Variants in ARHGAP25 observed in about 807,000 individuals in gnomAD.
ARHGAP25 encodes Rho GTPase activating protein 25.
ARHGAP25 carries 34 observed loss-of-function variants against 71.0 expected under a neutral mutation model. The ratio of observed to expected loss-of-function variants is 0.48; its 90% CI spans 0.36 to 0.64. The LOEUF is 0.64. Ranked by LOEUF, ARHGAP25 falls within the 30% of genes least tolerant of loss-of-function variation. ARHGAP25 has a pLI of 0.00. For synonymous variants in ARHGAP25, 282 were observed against 296.5 expected, an observed-to-expected ratio of 0.95 and a Z score of 0.50; for missense variants, 706 against 805.1, an observed-to-expected ratio of 0.88 and a Z score of 1.49.
intron 2 of ARHGAP25, among the ~76,000 whole-genome samples, chr2:68,713,969 G>T (rs2104246798): frequency 6.6e-6 from 1 of 152,310 alleles, no homozygotes; most frequent in African/African-American, 2.4e-5. Flanking sequence ...GTCTCTGCCA[G>T]GTTTTGGTAT....
At chr2:68,776,949 G>A (rs1347023952) in intron 2 of ARHGAP25, among the ~76,000 whole-genome samples, 1 of 152,128 alleles carries the variant, frequency 6.6e-6, no homozygotes, top group Non-Finnish European at 1.5e-5. Flanking sequence ...CACATCAGCA[G>A]GACTTGGTTA....
At chr2:68,817,370 G>T (rs959995373) in intron 7 of ARHGAP25, among the ~76,000 whole-genome samples, 2 of 152,190 alleles carry the variant, frequency 1.3e-5, no homozygotes, top group African/African-American at 4.8e-5. Context: ...CAAAAATTCA[G>T]TATTAGTTAT....
At chr2:68,743,346 G>A (rs1316299388) in intron 1 of ARHGAP25, among the ~76,000 whole-genome samples, 1 of 151,106 alleles carries the variant, frequency 6.6e-6, no homozygotes, top group African/African-American at 2.4e-5. Flanking sequence ...TTACAGCAAT[G>A]GCAGAGCAGT....
At chr2:68,746,275 C>A (rs1675807148) in intron 1 of ARHGAP25, among the ~76,000 whole-genome samples, 1 of 152,148 alleles carries the variant, frequency 6.6e-6, no homozygotes, top group Non-Finnish European at 1.5e-5. Context: ...TTCCTACCAC[C>A]AAAAGTTTTC....
chr2:68,818,021 G>T (rs1282751103), intron 8 of ARHGAP25, 27 bp downstream of exon 8: 2 of 1,613,158 alleles, frequency 1.2e-6, no homozygotes. Context: ...AGTGAAAGCA[G>T]GTACCCAGGA....
Position 68,807,865 on chromosome 2 carries a change from G to C in ARHGAP25, c.674+385G>C, listed in dbSNP as rs942387048. 2.0e-5 allele frequency among the ~76,000 whole-genome samples: 3 copies of C among 152,146 alleles called. No individual in the cohort carries two copies. The South Asian group carries it at 6.2e-4, about 32-fold the overall frequency. ...CTGTACAAACACTCAGTGTAGTGGA[G>C]AATGCACCAGATCTATATCCAAGGG... On this transcript the variant is annotated intron_variant, in intron 5 of 10. Coordinates refer to ENST00000409202, the MANE Select transcript of ARHGAP25 (RefSeq NM_001007231.3).
intron 1 of ARHGAP25, among the ~76,000 whole-genome samples, chr2:68,740,817 C>G (rs1675482206): frequency 6.6e-6 from 1 of 152,192 alleles, no homozygotes; most frequent in South Asian, 2.1e-4. Context: ...CACCAGCACT[C>G]TAGGCCCTCA....
intron 1 of ARHGAP25, among the ~76,000 whole-genome samples, chr2:68,759,568 A>G (rs1247946833): frequency 6.6e-6 from 1 of 151,948 alleles, no homozygotes; most frequent in Non-Finnish European, 1.5e-5. Context: ...AAATCTGAAT[A>G]TGCCTCTAAC....
chr2:68,718,173 C>T (rs1269789307), intron 2 of ARHGAP25, among the ~76,000 whole-genome samples: 1 of 151,960 alleles, frequency 6.6e-6, no homozygotes, highest in Non-Finnish European at 1.5e-5. Flanking sequence ...ATCTTCTTTG[C>T]CAATCAAATG....
chr2:68,711,801 G>A (rs890426700), intron 2 of ARHGAP25, among the ~76,000 whole-genome samples: 2 of 152,008 alleles, frequency 1.3e-5, no homozygotes, highest in Non-Finnish European at 2.9e-5. Flanking sequence ...AGTTTGCTTA[G>A]AATGATGGTT....
Position 68,803,018 on chromosome 2 carries a change from T to TATAG in ARHGAP25, c.467-4254_467-4253insTAGA, listed in dbSNP as rs1558648687. On this transcript the variant is annotated intron_variant, in intron 4 of 10. Coordinates refer to ENST00000409202, the MANE Select transcript of ARHGAP25 (RefSeq NM_001007231.3). Reference sequence around the variant, plus strand: ...ATACATACATACATATATATATATATAGAGAGAGAGATCTGGACCAGATAT... The same window carrying TATAG: ...ATACATACATACATATATATATATATATAGAGAGAGAGAGATCTGGACCAGATAT... Among the ~76,000 whole-genome samples the TATAG allele has an allele frequency of 5.3e-5, 8 of 151,128 alleles. No individual in the cohort carries two copies. In the East Asian group the frequency reaches 1.4e-3, roughly 26 times the overall value.
At chr2:68,729,293 T>C (rs1674953665) in intron 2 of ARHGAP25, among the ~76,000 whole-genome samples, 1 of 152,130 alleles carries the variant, frequency 6.6e-6, no homozygotes, top group Non-Finnish European at 1.5e-5. Flanking sequence ...AGCAGTCAGG[T>C]GAAGAACAAA....
chr2:68,760,881 A>T (rs71413161), intron 1 of ARHGAP25, among the ~76,000 whole-genome samples: 26 of 107,530 alleles, frequency 2.4e-4, no homozygotes, highest in Middle Eastern at 5.3e-3. Flanking sequence ...AAAAAAAAAA[A>T]TTTTTGAAAA....
intron 1 of ARHGAP25, among the ~76,000 whole-genome samples, chr2:68,760,384 G>T (rs992251550): frequency 1.3e-5 from 2 of 151,896 alleles, no homozygotes; most frequent in African/African-American, 2.4e-5. Flanking sequence ...CATTAGAAAA[G>T]AAAAAGTACA....
intron 10 of ARHGAP25, among the ~76,000 whole-genome samples, chr2:68,823,770 G>T: frequency 6.6e-6 from 1 of 152,190 alleles, no homozygotes; most frequent in Admixed American, 6.5e-5. Context: ...GCTGCAGGGG[G>T]CAAACAGAAG....
chr2:68,781,702 A>G (rs1211866617), intron 2 of ARHGAP25, among the ~76,000 whole-genome samples: 1 of 152,174 alleles, frequency 6.6e-6, no homozygotes, highest in Non-Finnish European at 1.5e-5. Flanking sequence ...TTCACCTATA[A>G]AATTTACATA....
intron 1 of ARHGAP25, among the ~76,000 whole-genome samples, chr2:68,772,756 G>T (rs1018848687): frequency 6.6e-6 from 1 of 152,208 alleles, no homozygotes; most frequent in East Asian, 1.9e-4. Flanking sequence ...CAAGTGATCA[G>T]CCCACACTGG....
chr2:68,782,206 C>A, intron 2 of ARHGAP25, 27 bp from the exon 3 acceptor site: 1 of 1,607,162 alleles, frequency 6.2e-7, no homozygotes, highest in Non-Finnish European at 8.5e-7. Context: ...GCTGCTTATC[C>A]TTAAGGCCTG....
At chr2:68,776,632 G>A (rs1372544195) in intron 2 of ARHGAP25, among the ~76,000 whole-genome samples, 1 of 152,156 alleles carries the variant, frequency 6.6e-6, no homozygotes, top group African/African-American at 2.4e-5. Flanking sequence ...GGCCATTGTG[G>A]TGTGTGAGAA....
Sources: allele counts gnomAD v4.1 joint callset (sites outside exome capture counted in the v4.1 genomes callset), GRCh38; gene constraint gnomAD v4.1.1; transcripts MANE v1.5; gene names NCBI Gene and HGNC (gene_info 2026-07-23, HGNC 2026-07-21).